Variants in GSTK1 observed in about 807,000 individuals in gnomAD.
GSTK1 encodes GST class-kappa.
In GSTK1, 25 loss-of-function variants were observed where a neutral mutation model predicts 30.9. The ratio of observed to expected loss-of-function variants is 0.81; its 90% confidence interval spans 0.59 to 1.13. The LOEUF (loss-of-function observed/expected upper bound fraction) is 1.13, where lower values mean the gene tolerates loss of function less well. Ranked by LOEUF, GSTK1 falls within the 50% of genes most tolerant of loss-of-function variation. GSTK1 has a pLI of 0.00. For synonymous variants in GSTK1, 108 were observed against 112.5 expected (o/e 0.96, Z 0.25); for missense variants, 292 against 292.4 (o/e 1.00, Z 0.01).
At chr7:143,264,925 G>A in intron 3 of GSTK1, 67 bp from the exon 4 acceptor site, 8 of 1,528,530 alleles carry the variant, frequency 5.2e-6, no homozygotes, top group Admixed American at 5.2e-5. Context: ...CAGAAGCAAG[G>A]AAGAGCTAGT....
At chr7:143,266,649 C>CT (rs1800886939) in intron 5 of GSTK1, among the ~76,000 whole-genome samples, 1 of 92,570 alleles carries the variant, frequency 1.1e-5, no homozygotes, top group African/African-American at 4.2e-5. Context: ...TTTTTTCTTT[C>CT]TTTCTTTTTT....
Position 143,263,477 on chromosome 7 carries a change from G to A in GSTK1, c.-37G>A, listed in dbSNP as rs888001550. 1.3e-6 allele frequency: 2 copies of A among 1,592,428 alleles called. No homozygotes were observed. The highest frequency in any genetic ancestry group is 1.7e-6 in the Non-Finnish European group (2 of 1,166,968). ...AGCCTCTGCCGGGTTCCGGGAAAAG[G>A]AGCTCCTGCTGCCACTGCTCTTCCG... On this transcript the variant is annotated 5_prime_UTR_variant, in exon 1 of 8. Transcript: ENST00000358406.
In GSTK1 at chr7:143,263,453, G is replaced by A; in HGVS notation, c.-61G>A. 4.0e-6 allele frequency: 6 copies of A among 1,495,448 alleles called. No individual in the cohort carries two copies. Among genetic ancestry groups the A allele is most frequent in the South Asian group, 3.4e-5 (3 of 88,800 alleles). The allele number at this position is 1,495,448 out of a possible 1,614,324, so 92.6% of individuals were successfully genotyped here. The stretch of plus-strand genomic sequence containing the variant: ...CCCAGGCAGGCCCAGAAGCTGGGCA[G>A]CCTCTGCCGGGTTCCGGGAAAAGGA... On this transcript the variant is annotated 5_prime_UTR_variant, in exon 1 of 8. Coordinates refer to ENST00000358406, the MANE Select transcript of GSTK1 (RefSeq NM_015917.3).
chr7:143,264,242 C>T (rs945582540), intron 2 of GSTK1, 75 bp downstream of exon 2: 2 of 1,282,874 alleles, frequency 1.6e-6, no homozygotes, highest in African/African-American at 2.9e-5. Flanking sequence ...CTTATATTGG[C>T]ACTGGCAGCC....
chr7:143,265,031 T>C lies in GSTK1; in HGVS notation c.323T>C (p.Leu108Ser), dbSNP rs147245180. ...ATGCGTTTCCTCACCGCCGTGAACT[T>C]GGAGCATCCAGAGATGCTGGAGAAA... is the stretch of plus-strand genomic sequence containing the variant. ...SAMRFLTAVN[L>S]EHPEMLEKAS... Residue 108 changes from leucine (L) to serine (S), a missense_variant, in exon 4 of 8, where the codon TTG becomes TCG. By Grantham distance (145) the Leu-to-Ser change is moderately radical. Coordinates refer to ENST00000358406, the MANE Select transcript of GSTK1 (RefSeq NM_015917.3). The C allele has an allele frequency of 4.9e-4, 790 of 1,614,126 alleles. 7 individuals are homozygous for C. The African/African-American group carries it at 9.5e-3, about 19-fold the overall frequency.
chr7:143,268,903 AC>A lies in GSTK1; in HGVS notation c.*68del. 1 of 1,321,260 alleles carries A rather than the reference AC, an allele frequency of 7.6e-7. No individual in the cohort carries two copies. Among genetic ancestry groups the A allele is most frequent in the Non-Finnish European group, 1.1e-6 (1 of 913,584 alleles). The allele number at this position is 1,321,260 out of a possible 1,614,324, so 81.8% of individuals were successfully genotyped here. On this transcript the variant is annotated 3_prime_UTR_variant, in exon 8 of 8. Transcript: ENST00000358406. This position sits in a 1 kb window ranked among gnomAD's most constrained non-coding sequence, Gnocchi z 4.1. ...GGCCATCTGCTTAACCCTTGGCTCC[AC>A]CATAAGGCACTGGGACTCGGATTTC... is the stretch of plus-strand genomic sequence containing the variant.
In GSTK1 at chr7:143,268,561, C is replaced by CA. The variant is rs994986502; in HGVS notation, c.632-220dup. 6.6e-6 allele frequency among the ~76,000 whole-genome samples: 1 copy of CA among 152,082 alleles called. No homozygotes were observed. Among genetic ancestry groups the CA allele is most frequent in the African/African-American group, 2.4e-5 (1 of 41,414 alleles). ...GTTGACCAGAAGGAGGGGCTCAGAG[C>CA]AAAAAAATATTCTTGGCACTTCCAG... On this transcript the variant is annotated intron_variant, in intron 7 of 7. Transcript: ENST00000358406. The surrounding 1 kb of genome is among the most constrained non-coding windows in gnomAD (Gnocchi z 4.1).
rs750969769 is a variant in GSTK1, at chr7:143,265,252, T to G, written c.385-9T>G. 6.2e-7 allele frequency: 1 copy of G among 1,605,722 alleles called. No homozygotes were observed. Among genetic ancestry groups the G allele is most frequent in the Non-Finnish European group, 8.5e-7 (1 of 1,176,206 alleles). The stretch of plus-strand genomic sequence containing the variant: ...GCACCGCCTTCCTGCTGTCTTCTCT[T>G]CTTCCCAGAATGAAGACATCACCGA... On this transcript the variant is annotated splice_polypyrimidine_tract_variant and intron_variant, in intron 4 of 7. Coordinates refer to ENST00000358406, the MANE Select transcript of GSTK1 (RefSeq NM_015917.3).
rs191222976 is a variant in GSTK1 at position 143,265,958 on chromosome 7, C to T, written c.420+662C>T. Among the ~76,000 whole-genome samples the T allele has an allele frequency of 2.1e-4, 31 of 151,112 alleles. No homozygotes were observed. The East Asian group carries it at 3.7e-3, about 18-fold the overall frequency. Reference sequence around the variant, plus strand: ...GCAAATATATCTTCTACAGTCTATACTCCTGCAAAGTACATGTGTAATTTT... The same window carrying T: ...GCAAATATATCTTCTACAGTCTATATTCCTGCAAAGTACATGTGTAATTTT... On this transcript the variant is annotated intron_variant, in intron 5 of 7. Transcript: ENST00000358406.
At chr7:143,264,329 A>G (rs1172963697) in intron 2 of GSTK1, 162 bp downstream of exon 2, 3 of 765,232 alleles carry the variant, frequency 3.9e-6, no homozygotes, top group Non-Finnish European at 6.5e-6. Context: ...TGTATACCAC[A>G]GCTACTCGGG....
chr7:143,267,543 G>C, intron 5 of GSTK1, 74 bp from the exon 6 acceptor site: 1 of 1,180,260 alleles, frequency 8.5e-7, no homozygotes, highest in Admixed American at 1.8e-5. Flanking sequence ...AAAATAAAAA[G>C]ACCAGAGTTT....
chr7:143,269,105 C>G lies in GSTK1; in HGVS notation c.*268C>G. 1 of 501,190 alleles carries G rather than the reference C, an allele frequency of 2.0e-6. No homozygotes were observed. The highest frequency in any genetic ancestry group is 3.2e-5 in the Admixed American group (1 of 30,822). 31.0% of individuals were successfully genotyped at this position (501,190 alleles called of 1,614,324 possible). On this transcript the variant is annotated 3_prime_UTR_variant, in exon 8 of 8. Transcript: ENST00000358406. ...TCCCACAAAATAAACCTAATGCCAT[C>G]AGGCAAAACATTTCTGTGTCTGTAT...
Position 143,267,727 on chromosome 7 carries a change from A to G in GSTK1, c.531A>G (p.Arg177=), listed in dbSNP as rs1427860796. The G allele has an allele frequency of 2.5e-6, 4 of 1,606,200 alleles. No homozygotes were observed. The highest frequency in any genetic ancestry group is 2.7e-5 in the African/African-American group (2 of 74,890). Residue 177 remains arginine (R), a synonymous_variant, in exon 6 of 8, where the codon AGA becomes AGG. Coordinates refer to ENST00000358406, the MANE Select transcript of GSTK1 (RefSeq NM_015917.3). Reference sequence around the variant, plus strand: ...AGGAGACCACTGAGGCAGCCTGCAGATACGGAGTGAGCAGCTCTTTATGTG... The same window carrying G: ...AGGAGACCACTGAGGCAGCCTGCAGGTACGGAGTGAGCAGCTCTTTATGTG... ...QLKETTEAAC[R]YGAFGLPITV...
rs1800829458 is a variant in GSTK1 at position 143,264,990 on chromosome 7, A to G, written c.284-2A>G. 1.2e-6 allele frequency: 2 copies of G among 1,613,678 alleles called. No homozygotes were observed. Among genetic ancestry groups the G allele is most frequent in the East Asian group, 2.2e-5 (1 of 44,868 alleles). On this transcript the variant is annotated splice_acceptor_variant, in intron 3 of 7. Transcript: ENST00000358406. LOFTEE classifies it high-confidence loss of function. Reference sequence around the variant, plus strand: ...CTGCCTCTGGGTGCCTCTGCCCCACAGGAAGTTTGTCTGCCATGCGTTTCC... The same window carrying G: ...CTGCCTCTGGGTGCCTCTGCCCCACGGGAAGTTTGTCTGCCATGCGTTTCC...
At chr7:143,264,705 T>A in intron 3 of GSTK1, 29 bp downstream of exon 3, 1 of 1,613,120 alleles carries the variant, frequency 6.2e-7, no homozygotes, top group Non-Finnish European at 8.5e-7. Flanking sequence ...AGACAGGGTA[T>A]CCAGTGAAAA....
chr7:143,268,634 G>A lies in GSTK1; in HGVS notation c.632-154G>A, dbSNP rs911596508. Among the ~76,000 whole-genome samples the A allele has an allele frequency of 6.6e-6, 1 of 152,028 alleles. No homozygotes were observed. Among genetic ancestry groups the A allele is most frequent in the Non-Finnish European group, 1.5e-5 (1 of 68,004 alleles). On this transcript the variant is annotated intron_variant, in intron 7 of 7. Transcript: ENST00000358406. The surrounding 1 kb of genome is among the most constrained non-coding windows in gnomAD (Gnocchi z 4.1). The stretch of plus-strand genomic sequence containing the variant: ...TGCTGTTCAAGGTTGAGTGGGCAGG[G>A]GCTGTCTTCAACCCCATAAAAGAAA...
In GSTK1 at chr7:143,265,053, G is replaced by A; in HGVS notation, c.345G>A (p.Glu115=). The change falls in exon 4 of 8, where the codon GAG becomes GAA. Residue 115 remains glutamate (E), a synonymous_variant. Coordinates refer to ENST00000358406, the MANE Select transcript of GSTK1 (RefSeq NM_015917.3). ...ACTTGGAGCATCCAGAGATGCTGGA[G>A]AAAGCGTCCCGGGAGCTGTGGATGC... ...AVNLEHPEML[E]KASRELWMRV... is the part of the protein sequence containing the mutation. 1.2e-6 allele frequency: 2 copies of A among 1,614,192 alleles called. No individual in the cohort carries two copies. The highest frequency in any genetic ancestry group is 2.7e-5 in the African/African-American group (2 of 75,050).
intron 5 of GSTK1, among the ~76,000 whole-genome samples, chr7:143,266,099 C>T (rs888028116): frequency 2.8e-5 from 4 of 142,504 alleles, no homozygotes; most frequent in East Asian, 2.1e-4. Flanking sequence ...GGTGTGACCT[C>T]GACCCACTGT....
At position 143,268,034 on chromosome 7, in the gene GSTK1, C is replaced by A. The variant is rs138243866; in HGVS notation, c.538-57C>A. On this transcript the variant is annotated intron_variant, in intron 6 of 7. Transcript: ENST00000358406. The surrounding 1 kb of genome is among the most constrained non-coding windows in gnomAD (Gnocchi z 4.1). ...AAAGTACTGACTCAAAGGTTTCAAC[C>A]CCTGCCTAATACCTGCTCCTTTGCC... 391 of 1,348,358 alleles carry A rather than the reference C, an allele frequency of 2.9e-4. No homozygotes were observed. The African/African-American group carries it at 4.3e-3, about 15-fold the overall frequency. 83.5% of individuals were successfully genotyped at this position (1,348,358 alleles called of 1,614,324 possible).
Sources: gnomAD v4.1 joint callset for allele counts (sites outside exome capture counted in the v4.1 genomes callset) on GRCh38, gnomAD v4.1.1 for gene constraint, Gnocchi (gnomAD v3.1) non-coding constraint, MANE v1.5 for transcripts, NCBI Gene and HGNC (gene_info 2026-07-23, HGNC 2026-07-21) for gene names.